GABRA5: variants seen among roughly 807,000 people sequenced by gnomAD.
GABRA5 encodes the protein gamma-aminobutyric acid receptor subunit alpha-5.
GABRA5 carries 18 observed loss-of-function variants against 47.3 expected under a neutral mutation model. The ratio of observed to expected loss-of-function variants is 0.38; its 90% CI spans 0.26 to 0.56. The LOEUF is 0.56. Among genes scored for constraint, GABRA5 ranks in the 20% least tolerant of loss-of-function variants. GABRA5 has a pLI of 0.71. For synonymous variants in GABRA5, 237 were observed against 229.3 expected (o/e 1.03, Z -0.30); for missense variants, 365 against 599.3 (o/e 0.61, Z 4.08).
chr15:26,879,017 A>T (rs1892662517), intron 3 of GABRA5, among the ~76,000 whole-genome samples: 1 of 152,238 alleles, frequency 6.6e-6, no homozygotes, highest in Non-Finnish European at 1.5e-5. Flanking sequence ...TCATGAAGTC[A>T]AGCCCTTGTC....
chr15:26,933,049 T>C (rs773002082), intron 7 of GABRA5, among the ~76,000 whole-genome samples: 9 of 151,014 alleles, frequency 6.0e-5, no homozygotes, highest in Non-Finnish European at 1.2e-4. Context: ...CCATGGCACA[T>C]GTTTGCCTAT....
intron 6 of GABRA5, among the ~76,000 whole-genome samples, chr15:26,892,406 C>A (rs974400815): frequency 3.3e-5 from 5 of 151,566 alleles, no homozygotes; most frequent in Admixed American, 3.3e-4. Context: ...CGGGCCCTAC[C>A]CAGCCCGCGC....
intron 1 of GABRA5, 138 bp from the exon 2 acceptor site, chr15:26,868,591 A>G (rs1033631219): frequency 6.6e-6 from 1 of 152,342 alleles, no homozygotes; most frequent in African/African-American, 2.4e-5. Context: ...TGCAGTGCTT[A>G]AGTTATGTAG....
At chr15:26,909,781 A>G (rs914051100) in intron 6 of GABRA5, among the ~76,000 whole-genome samples, 2 of 152,236 alleles carry the variant, frequency 1.3e-5, no homozygotes, top group Admixed American at 6.5e-5. Context: ...TAAATGAATC[A>G]CATCTGCAAA....
intron 6 of GABRA5, among the ~76,000 whole-genome samples, chr15:26,910,255 T>G (rs1219216129): frequency 6.6e-6 from 1 of 152,086 alleles, no homozygotes; most frequent in African/African-American, 2.4e-5. Context: ...TTTAGGACCC[T>G]AAGCCCTCAA....
At chr15:26,904,114 A>G (rs1893387643) in intron 6 of GABRA5, among the ~76,000 whole-genome samples, 1 of 152,102 alleles carries the variant, frequency 6.6e-6, no homozygotes, top group Non-Finnish European at 1.5e-5. Flanking sequence ...ACTTTTAAGT[A>G]TTTAATCCAT....
At chr15:26,877,770 C>T (rs1444841787) in intron 3 of GABRA5, 3 of 415,336 alleles carry the variant, frequency 7.2e-6, no homozygotes, top group Non-Finnish European at 1.4e-5. Flanking sequence ...AATATGCATT[C>T]AATATAAGGA....
chr15:26,895,303 GGTAAA>G (rs1212145760), intron 6 of GABRA5, among the ~76,000 whole-genome samples: 3 of 151,924 alleles, frequency 2.0e-5, no homozygotes, highest in Admixed American at 2.0e-4. Context: ...CCAGGACCAA[GGTAAA>G]AGACCACCCG....
intron 7 of GABRA5, among the ~76,000 whole-genome samples, chr15:26,936,085 A>G (rs1160537175): frequency 6.6e-6 from 1 of 152,168 alleles, no homozygotes; most frequent in Non-Finnish European, 1.5e-5. Flanking sequence ...TGATGGTTTT[A>G]TAAGCGTCTG....
intron 6 of GABRA5, among the ~76,000 whole-genome samples, chr15:26,903,627 G>C (rs1033474526): frequency 6.6e-6 from 1 of 152,004 alleles, no homozygotes; most frequent in African/African-American, 2.4e-5. Context: ...GTTATTTTTT[G>C]ACCTTTTAGT....
At chr15:26,927,057 G>A (rs1179772005) in intron 7 of GABRA5, among the ~76,000 whole-genome samples, 1 of 151,966 alleles carries the variant, frequency 6.6e-6, no homozygotes, top group African/African-American at 2.4e-5. Context: ...CTTGAACTCA[G>A]TAGGAATTTT....
intron 6 of GABRA5, among the ~76,000 whole-genome samples, chr15:26,902,298 G>A (rs1389174516): frequency 6.6e-6 from 1 of 151,916 alleles, no homozygotes; most frequent in Non-Finnish European, 1.5e-5. Context: ...TCTCCATTTT[G>A]TTCTTTAATT....
intron 3 of GABRA5, among the ~76,000 whole-genome samples, chr15:26,877,290 C>T (rs1892622744): frequency 1.3e-5 from 2 of 152,132 alleles, no homozygotes; most frequent in South Asian, 2.1e-4. Context: ...TTTTCTGTTA[C>T]ATTGTTGTTG....
At chr15:26,873,072 C>T (rs1352518107) in intron 3 of GABRA5, among the ~76,000 whole-genome samples, 1 of 152,122 alleles carries the variant, frequency 6.6e-6, no homozygotes, top group Non-Finnish European at 1.5e-5. Flanking sequence ...CCTTTTTGGA[C>T]ACTCAGCCCC....
intron 7 of GABRA5, among the ~76,000 whole-genome samples, chr15:26,934,248 TA>T (rs776194243): frequency 0.46 from 52,430 of 112,888 alleles, 10,613 homozygotes; most frequent in East Asian, 0.63. Context: ...AGAGAATGTT[TA>T]AAAAAAAAAA....
At chr15:26,894,246 C>T (rs1029313542) in intron 6 of GABRA5, among the ~76,000 whole-genome samples, 1 of 152,306 alleles carries the variant, frequency 6.6e-6, no homozygotes, top group East Asian at 1.9e-4. Flanking sequence ...ATCCACTACA[C>T]TTCTCTCGGG....
At chr15:26,925,047 G>A (rs780520776) in intron 7 of GABRA5, among the ~76,000 whole-genome samples, 1 of 151,878 alleles carries the variant, frequency 6.6e-6, no homozygotes. Context: ...TATTTTTAGT[G>A]GGAGGAATAG....
intron 3 of GABRA5, among the ~76,000 whole-genome samples, chr15:26,874,039 C>T (rs1595391782): frequency 6.6e-6 from 1 of 152,232 alleles, no homozygotes. Context: ...GCCAGCGCAG[C>T]TCTCCGCCAA....
chr15:26,881,022 T>C (rs1408054970), intron 4 of GABRA5, 55 bp downstream of exon 4: 7 of 1,588,228 alleles, frequency 4.4e-6, no homozygotes, highest in Admixed American at 3.6e-5. Context: ...GGCTTAAGTC[T>C]CGTCTCAAGC....
Sources: gnomAD v4.1 joint callset for allele counts (sites outside exome capture counted in the v4.1 genomes callset) on GRCh38, gnomAD v4.1.1 for gene constraint, MANE v1.5 for transcripts, NCBI Gene and HGNC (gene_info 2026-07-23, HGNC 2026-07-21) for gene names.